The following GRID2 variants were observed in gnomAD, a reference collection of about 807,000 sequenced individuals.
The protein encoded by GRID2 is glutamate receptor ionotropic, delta-2.
Under a neutral mutation model 114.8 loss-of-function variants are expected in GRID2, and 33 were observed. The ratio of observed to expected loss-of-function variants is 0.29; its 90% CI spans 0.22 to 0.38. GRID2 has a LOEUF of 0.38. Among genes scored for constraint, GRID2 ranks in the 10% least tolerant of loss-of-function variants. The pLI, the probability that GRID2 is intolerant of heterozygous loss-of-function variation, is 1.00. For missense variants in GRID2, 1,184 were observed against 1,257.7 expected (o/e 0.94, Z 0.89); for synonymous variants, 505 against 449.9 (o/e 1.12, Z -1.55).
At chr4:92,931,380 A>G (rs1181333597) in intron 2 of GRID2, among the ~76,000 whole-genome samples, 3 of 151,040 alleles carry the variant, frequency 2.0e-5, no homozygotes, top group Non-Finnish European at 3.0e-5. Flanking sequence ...ATTTATTGTT[A>G]CAGATGAATC....
chr4:93,534,846 C>CT (rs35860438), intron 13 of GRID2, among the ~76,000 whole-genome samples: 25,242 of 138,162 alleles, frequency 0.18, 2,784 homozygotes, highest in Middle Eastern at 0.28. Flanking sequence ...CACATGGTTA[C>CT]TTTTTTTTTT....
At chr4:92,870,495 T>C (rs113921687) in intron 2 of GRID2, among the ~76,000 whole-genome samples, 77 of 152,250 alleles carry the variant, frequency 5.1e-4, no homozygotes, top group African/African-American at 1.8e-3. Flanking sequence ...GTGTATCACA[T>C]TGATCACTCC....
chr4:92,943,598 C>T (rs1454282559), intron 2 of GRID2, among the ~76,000 whole-genome samples: 1 of 152,194 alleles, frequency 6.6e-6, no homozygotes, highest in African/African-American at 2.4e-5. Flanking sequence ...CATTCTCCAT[C>T]CAGCTTTGTT....
intron 2 of GRID2, among the ~76,000 whole-genome samples, chr4:92,658,239 T>C (rs1732343288): frequency 6.6e-6 from 1 of 151,872 alleles, no homozygotes; most frequent in African/African-American, 2.4e-5. Context: ...ACAGTTTAGA[T>C]ACGGTACTCC....
chr4:92,540,995 A>G (rs13124740), intron 1 of GRID2, among the ~76,000 whole-genome samples: 2 of 152,110 alleles, frequency 1.3e-5, no homozygotes, highest in African/African-American at 2.4e-5. Flanking sequence ...CCTTTGTAGG[A>G]ACATGGATGA....
intron 1 of GRID2, among the ~76,000 whole-genome samples, chr4:92,464,308 A>AC (rs1560648331): frequency 2.6e-5 from 4 of 152,040 alleles, no homozygotes; most frequent in Non-Finnish European, 5.9e-5. Context: ...GATTTTTACT[A>AC]CCGTTCTTTT....
chr4:93,528,873 A>G (rs921218027), intron 13 of GRID2, among the ~76,000 whole-genome samples: 25 of 152,174 alleles, frequency 1.6e-4, no homozygotes, highest in African/African-American at 5.3e-4. Context: ...TGCGATTCCT[A>G]GAACTCATCA....
intron 1 of GRID2, among the ~76,000 whole-genome samples, chr4:92,328,931 C>G (rs1226337521): frequency 2.0e-5 from 3 of 151,830 alleles, no homozygotes; most frequent in Non-Finnish European, 4.4e-5. Context: ...TTATTTTTAG[C>G]AGAAAAGAGA....
chr4:93,496,419 C>G (rs1372972325), intron 12 of GRID2, among the ~76,000 whole-genome samples: 2 of 149,284 alleles, frequency 1.3e-5, no homozygotes, highest in East Asian at 1.9e-4. Context: ...GCAAATTGCT[C>G]TATGACATAT....
At chr4:92,884,470 C>T (rs1037241649) in intron 2 of GRID2, among the ~76,000 whole-genome samples, 4 of 152,186 alleles carry the variant, frequency 2.6e-5, no homozygotes, top group South Asian at 2.1e-4. Flanking sequence ...GCTAACTATT[C>T]GGTGCAAGAG....
At chr4:92,482,498 A>G (rs1034273744) in intron 1 of GRID2, among the ~76,000 whole-genome samples, 32 of 152,300 alleles carry the variant, frequency 2.1e-4, no homozygotes, top group African/African-American at 7.0e-4. Context: ...CTATTCTTGC[A>G]CCTTCTCCTT....
chr4:93,298,732 G>A (rs185658262), intron 8 of GRID2, among the ~76,000 whole-genome samples: 2 of 152,358 alleles, frequency 1.3e-5, no homozygotes, highest in Admixed American at 1.3e-4. Flanking sequence ...TGTCTCCAGT[G>A]CAGATCTTCC....
intron 2 of GRID2, among the ~76,000 whole-genome samples, chr4:92,716,337 CT>C (rs1453325505): frequency 3.3e-5 from 5 of 152,186 alleles, no homozygotes; most frequent in African/African-American, 1.2e-4. Context: ...AAGTTTTGAG[CT>C]TTGACATGCT....
At chr4:92,619,332 C>T (rs959054325) in intron 2 of GRID2, among the ~76,000 whole-genome samples, 2 of 151,714 alleles carry the variant, frequency 1.3e-5, no homozygotes, top group African/African-American at 4.8e-5. Context: ...CCAGTATTTC[C>T]TGAGCATATG....
intron 1 of GRID2, among the ~76,000 whole-genome samples, chr4:92,385,121 TAA>T (rs920785756): frequency 1.3e-5 from 2 of 151,898 alleles, no homozygotes; most frequent in African/African-American, 4.8e-5. Context: ...ATAGATGTGT[TAA>T]GTTTCCTGCT....
intron 1 of GRID2, among the ~76,000 whole-genome samples, chr4:93,802,619 C>T (rs1734954541): frequency 6.6e-6 from 1 of 152,170 alleles, no homozygotes; most frequent in Admixed American, 6.5e-5. Context: ...GCTTTAACAT[C>T]TTTACTGCCG....
At chr4:92,443,788 T>A (rs1211572536) in intron 1 of GRID2, among the ~76,000 whole-genome samples, 1 of 152,134 alleles carries the variant, frequency 6.6e-6, no homozygotes, top group Non-Finnish European at 1.5e-5. Flanking sequence ...AAGGCAGGCG[T>A]CCCTGCGTGG....
intron 6 of GRID2, among the ~76,000 whole-genome samples, chr4:93,224,144 ACTT>A (rs1745208943): frequency 6.6e-6 from 1 of 152,268 alleles, no homozygotes; most frequent in Admixed American, 6.5e-5. Context: ...ACAGTAGACT[ACTT>A]CTTTTTTAGG....
intron 11 of GRID2, among the ~76,000 whole-genome samples, chr4:93,468,656 G>T (rs1724516504): frequency 6.6e-6 from 1 of 152,088 alleles, no homozygotes; most frequent in Non-Finnish European, 1.5e-5. Context: ...TGAGGACAGA[G>T]AGGTCCATGA....
Sources: allele counts gnomAD v4.1 joint callset (sites outside exome capture counted in the v4.1 genomes callset), GRCh38; gene constraint gnomAD v4.1.1; transcripts MANE v1.5; gene names NCBI Gene and HGNC (gene_info 2026-07-23, HGNC 2026-07-21).